ZRANB3: variants seen among roughly 807,000 people sequenced by gnomAD.
The protein encoded by ZRANB3 is zinc finger RANBP2-type containing 3, also known as DNA annealing helicase and endonuclease ZRANB3.
A neutral mutation model predicts 133.8 loss-of-function variants in ZRANB3; 125 were observed. That is an observed-to-expected ratio of 0.93 (90% CI 0.81 to 1.08). The LOEUF (loss-of-function observed/expected upper bound fraction) is 1.08. Ranked by LOEUF, ZRANB3 falls within the 50% of genes least tolerant of loss-of-function variation. ZRANB3 has a pLI of 0.00. For missense variants in ZRANB3, 1,229 were observed against 1,275.5 expected, an observed-to-expected ratio of 0.96 and a Z score of 0.56; for synonymous variants, 387 against 432.7, an observed-to-expected ratio of 0.89 and a Z score of 1.31.
chr2:135,426,851 AAAAAAAAAAAAAATATATATATATAT>A (rs1689097549), intron 2 of ZRANB3, among the ~76,000 whole-genome samples: 1 of 61,028 alleles, frequency 1.6e-5, no homozygotes, highest in Non-Finnish European at 2.6e-5. Flanking sequence ...AAAAAAAAAA[AAAAAAAAAAAAAATATATATATATAT>A]ATATATATAT....
intron 3 of ZRANB3, among the ~76,000 whole-genome samples, chr2:135,363,777 G>A (rs1685795682): frequency 6.6e-6 from 1 of 152,084 alleles, no homozygotes; most frequent in African/African-American, 2.4e-5. Context: ...CAGACTTCAG[G>A]ACAACACCTC....
intron 2 of ZRANB3, among the ~76,000 whole-genome samples, chr2:135,430,613 T>C (rs1243064729): frequency 2.0e-5 from 3 of 152,156 alleles, no homozygotes; most frequent in African/African-American, 7.2e-5. Context: ...GATAGAAATA[T>C]TTCAGCTCTA....
chr2:135,374,844 A>G (rs1010775939), intron 3 of ZRANB3, among the ~76,000 whole-genome samples: 1 of 152,162 alleles, frequency 6.6e-6, no homozygotes, highest in African/African-American at 2.4e-5. Flanking sequence ...ATATACAAAT[A>G]ACTCTTAAAA....
intron 1 of ZRANB3, among the ~76,000 whole-genome samples, chr2:135,512,232 C>A (rs1425440841): frequency 2.0e-5 from 3 of 152,092 alleles, no homozygotes; most frequent in African/African-American, 7.2e-5. Flanking sequence ...GAAATACTTT[C>A]TATCTTTTTA....
chr2:135,297,371 C>T (rs912610055), intron 8 of ZRANB3, among the ~76,000 whole-genome samples: 9 of 152,334 alleles, frequency 5.9e-5, no homozygotes, highest in Non-Finnish European at 8.8e-5. Context: ...TATGACCCTC[C>T]GAGACAGGTG....
chr2:135,278,541 G>C (rs1197551688), intron 8 of ZRANB3, among the ~76,000 whole-genome samples: 1 of 152,134 alleles, frequency 6.6e-6, no homozygotes, highest in Non-Finnish European at 1.5e-5. Flanking sequence ...CAGGCCTAAA[G>C]AGTAACAGTT....
At chr2:135,378,259 G>A (rs1436439609) in intron 3 of ZRANB3, among the ~76,000 whole-genome samples, 1 of 152,208 alleles carries the variant, frequency 6.6e-6, no homozygotes, top group African/African-American at 2.4e-5. Flanking sequence ...TTGGGAGGCT[G>A]AAGCAGGCGG....
rs1296158791 is a variant in ZRANB3 at position 135,207,671 on chromosome 2, T to C, written c.2772A>G (p.Gln924=). ...RCQQPTCQTK[Q]ACKANSWDSR... ...AATCCCAAGAGTTCGCTTTACATGC[T>C]TGCTTAGTCTGGCAAGTGGGTTGCT... The change falls in exon 19 of 21, where the codon CAA becomes CAG. Residue 924 remains glutamine, a synonymous_variant. Transcript: ENST00000264159. 6.2e-7 allele frequency: 1 copy of C among 1,614,032 alleles called. No individual in the cohort carries two copies. Among genetic ancestry groups the C allele is most frequent in the South Asian group, 1.1e-5 (1 of 91,086 alleles).
intron 1 of ZRANB3, among the ~76,000 whole-genome samples, chr2:135,510,067 G>C (rs903863094): frequency 2.0e-5 from 3 of 152,190 alleles, no homozygotes; most frequent in Admixed American, 1.3e-4. Flanking sequence ...AAGTGGTTGT[G>C]ACTCTCAAAG....
intron 8 of ZRANB3, among the ~76,000 whole-genome samples, chr2:135,277,156 C>T (rs189926504): frequency 8.8e-4 from 134 of 152,232 alleles, no homozygotes; most frequent in South Asian, 2.3e-3. Context: ...AGCCTTCTTT[C>T]CCCTATACTT....
intron 1 of ZRANB3, among the ~76,000 whole-genome samples, chr2:135,518,048 G>A (rs906744455): frequency 4.6e-5 from 7 of 152,148 alleles, no homozygotes; most frequent in African/African-American, 1.4e-4. Context: ...CAGCAGCTTT[G>A]TTTACACCGT....
At chr2:135,201,640 G>A (rs1263079188) in intron 20 of ZRANB3, among the ~76,000 whole-genome samples, 1 of 150,804 alleles carries the variant, frequency 6.6e-6, no homozygotes, top group African/African-American at 2.4e-5. Flanking sequence ...ACTCCAGCCT[G>A]GGTGACAGAG....
At chr2:135,338,204 A>G in intron 6 of ZRANB3, among the ~76,000 whole-genome samples, 1 of 152,240 alleles carries the variant, frequency 6.6e-6, no homozygotes. Context: ...CCAGTATTCA[A>G]TAATTCAATA....
intron 6 of ZRANB3, among the ~76,000 whole-genome samples, chr2:135,322,700 C>G (rs1471414816): frequency 6.6e-6 from 1 of 151,720 alleles, no homozygotes; most frequent in African/African-American, 2.4e-5. Flanking sequence ...CTTGGGTGAC[C>G]AAGCAAGATC....
At chr2:135,443,638 A>G (rs1172895240) in intron 2 of ZRANB3, among the ~76,000 whole-genome samples, 1 of 152,204 alleles carries the variant, frequency 6.6e-6, no homozygotes, top group Non-Finnish European at 1.5e-5. Context: ...ACTCTCCCCA[A>G]AAGTCCATCA....
intron 1 of ZRANB3, among the ~76,000 whole-genome samples, chr2:135,517,058 CA>C: frequency 6.6e-6 from 1 of 151,834 alleles, no homozygotes; most frequent in East Asian, 1.9e-4. Context: ...TCTGCTTGGT[CA>C]ATTTGGCTAT....
chr2:135,245,130 T>C (rs1187848520), intron 12 of ZRANB3, among the ~76,000 whole-genome samples: 1 of 152,234 alleles, frequency 6.6e-6, no homozygotes, highest in Admixed American at 6.5e-5. Context: ...TTATGATGGC[T>C]AAACTGAACA....
At chr2:135,491,816 C>T (rs1279127666) in intron 2 of ZRANB3, among the ~76,000 whole-genome samples, 1 of 152,130 alleles carries the variant, frequency 6.6e-6, no homozygotes, top group Admixed American at 6.5e-5. Context: ...CGCCCAGCCA[C>T]ATGAGTATTT....
intron 2 of ZRANB3, among the ~76,000 whole-genome samples, chr2:135,463,136 TG>T (rs1690834313): frequency 1.3e-5 from 2 of 152,192 alleles, no homozygotes; most frequent in South Asian, 4.1e-4. Context: ...AAGATTAGCC[TG>T]GGGAACACAG....
Sources: gnomAD v4.1 joint callset for allele counts (sites outside exome capture counted in the v4.1 genomes callset) on GRCh38, gnomAD v4.1.1 for gene constraint, MANE v1.5 for transcripts, NCBI Gene and HGNC (gene_info 2026-07-23, HGNC 2026-07-21) for gene names.